The following DISC1 variants were observed in gnomAD, a reference collection of about 807,000 sequenced individuals.
DISC1 encodes the protein disrupted in schizophrenia 1 protein.
Under a neutral mutation model 84.5 loss-of-function variants are expected in DISC1, and 57 were observed. That is an observed-to-expected ratio of 0.67 (90% confidence interval 0.55 to 0.84). DISC1 has a LOEUF of 0.84. Among genes scored for constraint, DISC1 ranks in the 40% least tolerant of loss-of-function variants. The pLI is 0.00. For missense variants in DISC1, 1,000 were observed against 1,057.8 expected, an observed-to-expected ratio of 0.95 and a Z score of 0.76; for synonymous variants, 411 against 415.2, an observed-to-expected ratio of 0.99 and a Z score of 0.12.
intron 11 of DISC1, among the ~76,000 whole-genome samples, chr1:232,017,070 T>A (rs1246934317): frequency 6.6e-6 from 1 of 152,220 alleles, no homozygotes; most frequent in Non-Finnish European, 1.5e-5. Flanking sequence ...GGCAGGCATT[T>A]GTTTGAAGTA....
intron 3 of DISC1, among the ~76,000 whole-genome samples, chr1:231,738,742 A>G (rs1268336293): frequency 6.6e-6 from 1 of 152,134 alleles, no homozygotes; most frequent in Non-Finnish European, 1.5e-5. Context: ...CCTCCATTTC[A>G]TCATTCATTT....
rs549762811 is a variant in DISC1 at position 231,651,727 on chromosome 1, C to G, written c.67+24793C>G. Among the ~76,000 whole-genome samples, 4 of 152,386 alleles carry G rather than the reference C, an allele frequency of 2.6e-5. No individual in the cohort carries two copies. In the South Asian group the frequency reaches 8.3e-4, roughly 32 times the overall value. On this transcript the variant is annotated intron_variant, in intron 1 of 12. Coordinates refer to ENST00000439617, the MANE Select transcript of DISC1 (RefSeq NM_018662.3). ...TACAGAGGCAGCAGGCCTTGGAGAG[C>G]TGCGGTGGGCTCCGCCCAGTTCAAG...
At chr1:231,648,245 G>C (rs2060301374) in intron 1 of DISC1, among the ~76,000 whole-genome samples, 1 of 152,118 alleles carries the variant, frequency 6.6e-6, no homozygotes, top group Admixed American at 6.5e-5. Context: ...TCAATACCTA[G>C]TTTATTGAGT....
intron 3 of DISC1, among the ~76,000 whole-genome samples, chr1:231,727,867 G>A (rs145124059): frequency 1.3e-5 from 2 of 151,750 alleles, no homozygotes; most frequent in South Asian, 2.1e-4. Flanking sequence ...TCGGAGGATC[G>A]CTTGAGCCCA....
intron 9 of DISC1, chr1:231,940,966 G>A (rs1469195417): frequency 6.6e-6 from 1 of 152,334 alleles, no homozygotes; most frequent in African/African-American, 2.4e-5. Context: ...CCATCAGATG[G>A]CAGGTGGGGA....
At chr1:231,971,070 C>T (rs948282364) in intron 10 of DISC1, among the ~76,000 whole-genome samples, 17 of 152,178 alleles carry the variant, frequency 1.1e-4, no homozygotes, top group African/African-American at 4.1e-4. Flanking sequence ...GCACCTGTTA[C>T]AGTTTTAAAA....
chr1:231,908,600 G>GT (rs2088914080), intron 9 of DISC1, among the ~76,000 whole-genome samples: 1 of 152,172 alleles, frequency 6.6e-6, no homozygotes, highest in African/African-American at 2.4e-5. Context: ...AAGTCAAGTA[G>GT]TGTGTTGCCT....
chr1:231,679,640 T>G (rs1428981788), intron 1 of DISC1, among the ~76,000 whole-genome samples: 2 of 152,228 alleles, frequency 1.3e-5, no homozygotes, highest in Non-Finnish European at 2.9e-5. Flanking sequence ...TTCAAGATGA[T>G]TCTGTAATGG....
intron 6 of DISC1, among the ~76,000 whole-genome samples, chr1:231,784,348 T>C (rs1202580548): frequency 6.6e-6 from 1 of 151,922 alleles, no homozygotes; most frequent in African/African-American, 2.4e-5. Context: ...ACTCAGAATA[T>C]CAGAGTGTAG....
At chr1:232,002,086 G>A (rs1309504877) in intron 10 of DISC1, among the ~76,000 whole-genome samples, 2 of 152,116 alleles carry the variant, frequency 1.3e-5, no homozygotes, top group Non-Finnish European at 2.9e-5. Flanking sequence ...ACACCTCACT[G>A]AAGAGGCTAT....
intron 12 of DISC1, among the ~76,000 whole-genome samples, chr1:232,027,653 A>G (rs1669604023): frequency 6.6e-6 from 1 of 152,120 alleles, no homozygotes; most frequent in African/African-American, 2.4e-5. Flanking sequence ...CTAGCTAAAA[A>G]CACTTCCCTA....
At chr1:231,628,657 C>G (rs1156795127) in intron 1 of DISC1, among the ~76,000 whole-genome samples, 1 of 152,234 alleles carries the variant, frequency 6.6e-6, no homozygotes, top group African/African-American at 2.4e-5. Context: ...GTGGGTGCCA[C>G]TCACAACTGT....
At chr1:231,851,552 T>G (rs2083899282) in intron 9 of DISC1, among the ~76,000 whole-genome samples, 1 of 152,204 alleles carries the variant, frequency 6.6e-6, no homozygotes, top group Non-Finnish European at 1.5e-5. Flanking sequence ...ACACCTCACG[T>G]GGAAGTGCAG....
At position 231,826,374 on chromosome 1, in the gene DISC1, C is replaced by A. The variant is rs956408607; in HGVS notation, c.1981+7857C>A. 1.4e-4 allele frequency among the ~76,000 whole-genome samples: 21 copies of A among 152,152 alleles called. No individual in the cohort carries two copies. Among genetic ancestry groups the A allele is most frequent in the African/African-American group, 4.8e-5 (2 of 41,438 alleles). ...TACCACACTCATAGATTCATAATTA[C>A]AAAACAAAAGTCTACAAAAAGTCAT... On this transcript the variant is annotated intron_variant, in intron 9 of 12. Transcript: ENST00000439617. This position sits in a 1 kb window ranked among gnomAD's most constrained non-coding sequence, Gnocchi z 4.2.
intron 9 of DISC1, among the ~76,000 whole-genome samples, chr1:231,862,206 A>G (rs772771893): frequency 1.1e-4 from 17 of 152,322 alleles, no homozygotes; most frequent in Admixed American, 3.3e-4. Flanking sequence ...GTGGTGTTAT[A>G]CATGAGGCAT....
intron 9 of DISC1, among the ~76,000 whole-genome samples, chr1:231,841,935 A>G (rs762135903): frequency 6.6e-6 from 1 of 152,226 alleles, no homozygotes; most frequent in Admixed American, 6.5e-5. Context: ...TTCTTTTTGC[A>G]TACTTTGTAA....
intron 6 of DISC1, among the ~76,000 whole-genome samples, chr1:231,777,381 A>G (rs1573732384): frequency 3.3e-5 from 5 of 152,146 alleles, no homozygotes; most frequent in Admixed American, 3.3e-4. Context: ...TCACCATGCC[A>G]GGCTAATTTT....
intron 9 of DISC1, among the ~76,000 whole-genome samples, chr1:231,898,801 C>T (rs1223883571): frequency 5.9e-5 from 9 of 151,966 alleles, no homozygotes; most frequent in South Asian, 2.1e-4. Flanking sequence ...GGCGTGGTGG[C>T]GTATGGCTGT....
chr1:232,025,823 C>T (rs1669414615), intron 11 of DISC1, among the ~76,000 whole-genome samples: 1 of 152,086 alleles, frequency 6.6e-6, no homozygotes. Flanking sequence ...GTCTTGATCT[C>T]CTGACCTCGT....
Sources: gnomAD v4.1 joint callset for allele counts (sites outside exome capture counted in the v4.1 genomes callset) on GRCh38, gnomAD v4.1.1 for gene constraint, Gnocchi (gnomAD v3.1) non-coding constraint, MANE v1.5 for transcripts, NCBI Gene and HGNC (gene_info 2026-07-23, HGNC 2026-07-21) for gene names.